Variants in MGMT observed in about 807,000 individuals in gnomAD.
MGMT encodes methylated-DNA--protein-cysteine methyltransferase.
MGMT carries 14 observed loss-of-function variants against 15.9 expected under a neutral mutation model. The observed-to-expected ratio is 0.88, with a 90% confidence interval of 0.58 to 1.37. MGMT has a LOEUF of 1.37. Among genes scored for constraint, MGMT ranks in the 40% most tolerant of loss-of-function variants. The probability of loss-of-function intolerance (pLI) is 0.00; values close to 1 mark genes in which losing one functional copy is unlikely to be tolerated. For missense variants in MGMT, 282 were observed against 268.1 expected (o/e 1.05, Z -0.36); for synonymous variants, 130 against 118.2 (o/e 1.10, Z -0.65).
At chr10:129,704,614 C>T (rs975118038) in intron 2 of MGMT, among the ~76,000 whole-genome samples, 1 of 152,026 alleles carries the variant, frequency 6.6e-6, no homozygotes, top group Admixed American at 6.6e-5. Flanking sequence ...CACAGTTATC[C>T]GTGGCTGTCG....
chr10:129,702,912 G>A (rs929039999), intron 2 of MGMT, among the ~76,000 whole-genome samples: 7 of 152,318 alleles, frequency 4.6e-5, no homozygotes, highest in Non-Finnish European at 7.3e-5. Flanking sequence ...CGTGATAAGC[G>A]CCGCCGTGAG....
chr10:129,651,674 G>T (rs957960327), intron 2 of MGMT, among the ~76,000 whole-genome samples: 1 of 152,030 alleles, frequency 6.6e-6, no homozygotes, highest in South Asian at 2.1e-4. Flanking sequence ...CCGGTCGTTT[G>T]CCTGAGAGAA....
intron 1 of MGMT, among the ~76,000 whole-genome samples, chr10:129,503,582 G>A (rs949945735): frequency 6.6e-6 from 1 of 152,216 alleles, no homozygotes; most frequent in Admixed American, 6.5e-5. Context: ...ATTTAAAAAA[G>A]AGACTGTTTC....
At chr10:129,569,579 C>A (rs1017320859) in intron 2 of MGMT, among the ~76,000 whole-genome samples, 1 of 152,156 alleles carries the variant, frequency 6.6e-6, no homozygotes, top group Admixed American at 6.5e-5. Flanking sequence ...TGCTCTTACC[C>A]GGGCCTGACT....
At position 129,607,970 on chromosome 10, in the gene MGMT, C is replaced by T. The variant is rs150286697; in HGVS notation, c.125+71593C>T. Among the ~76,000 whole-genome samples the T allele has an allele frequency of 2.6e-5, 4 of 152,256 alleles. 1 individual carries two copies. The highest frequency in any genetic ancestry group is 6.8e-3 in the Middle Eastern group (2 of 294). On this transcript the variant is annotated intron_variant, in intron 2 of 4. Transcript: ENST00000651593. ...CCAAATCATGACTCCCTCAACCTGT[C>T]GGGCTCAAATGAGAAGGTTTTCAGC...
In MGMT at chr10:129,597,866, T is replaced by A. The variant is rs139135317; in HGVS notation, c.125+61489T>A. Among the ~76,000 whole-genome samples the A allele has an allele frequency of 1.1e-3, 160 of 152,296 alleles. No homozygotes were observed. The Middle Eastern group carries it at 0.017, about 16-fold the overall frequency. On this transcript the variant is annotated intron_variant, in intron 2 of 4. Transcript: ENST00000651593. ...TCGAAACACAAAGACTGAATAATGA[T>A]GTGGTATTTTTGTATTTAAAAAATG...
chr10:129,663,848 GC>G (rs1430078516), intron 2 of MGMT, among the ~76,000 whole-genome samples: 2 of 152,128 alleles, frequency 1.3e-5, no homozygotes, highest in Non-Finnish European at 2.9e-5. Context: ...ATGGGTCTGA[GC>G]CCAGTTGCTT....
At position 129,730,399 on chromosome 10, in the gene MGMT, T is replaced by G. The variant is rs544152550; in HGVS notation, c.274+22356T>G. Reference sequence around the variant, plus strand: ...ACTTTCATGTTGTTCGATAACAAGGTTGTGCCCTGTGAGTCTGGGATTGTG... The same window carrying G: ...ACTTTCATGTTGTTCGATAACAAGGGTGTGCCCTGTGAGTCTGGGATTGTG... On this transcript the variant is annotated intron_variant, in intron 3 of 4. Coordinates refer to ENST00000651593, the MANE Select transcript of MGMT (RefSeq NM_002412.5). Among the ~76,000 whole-genome samples the G allele has an allele frequency of 1.7e-4, 26 of 152,234 alleles. No individual in the cohort carries two copies. In the South Asian group the frequency reaches 5.4e-3, roughly 32 times the overall value.
chr10:129,468,316 A>C (rs1481120052), intron 1 of MGMT, among the ~76,000 whole-genome samples: 2 of 152,154 alleles, frequency 1.3e-5, no homozygotes, highest in Admixed American at 6.5e-5. Flanking sequence ...TGGGGGTGTG[A>C]AAACTTTGAA....
At chr10:129,601,186 A>G (rs1425341482) in intron 2 of MGMT, among the ~76,000 whole-genome samples, 1 of 152,104 alleles carries the variant, frequency 6.6e-6, no homozygotes, top group Non-Finnish European at 1.5e-5. Flanking sequence ...CTTTATGACT[A>G]AAGTAATAGG....
chr10:129,561,700 G>A lies in MGMT; in HGVS notation c.125+25323G>A, dbSNP rs192654099. Reference sequence around the variant, plus strand: ...CACAGTTTATTGGAGTCTACAAATAGCATAAACTGCTATGTCTGCAGTGTT... The same window carrying A: ...CACAGTTTATTGGAGTCTACAAATAACATAAACTGCTATGTCTGCAGTGTT... On this transcript the variant is annotated intron_variant, in intron 2 of 4. Coordinates refer to ENST00000651593, the MANE Select transcript of MGMT (RefSeq NM_002412.5). Among the ~76,000 whole-genome samples the A allele has an allele frequency of 2.6e-5, 4 of 152,170 alleles. No individual in the cohort carries two copies. The East Asian group carries it at 7.7e-4, about 29-fold the overall frequency.
Position 129,519,608 on chromosome 10 carries a change from C to T in MGMT, c.-12-16633C>T, listed in dbSNP as rs536722897. On this transcript the variant is annotated intron_variant, in intron 1 of 4. Transcript: ENST00000651593. ...GGAGCATGTTGGGAACACCGGGAGC[C>T]GCTGGAACGTGTCTGGAACACCAGG... Among the ~76,000 whole-genome samples the T allele has an allele frequency of 1.9e-4, 29 of 152,288 alleles. No homozygotes were observed. The South Asian group carries it at 4.8e-3, about 25-fold the overall frequency.
At chr10:129,626,009 C>T (rs1028924143) in intron 2 of MGMT, among the ~76,000 whole-genome samples, 1 of 152,204 alleles carries the variant, frequency 6.6e-6, no homozygotes, top group Non-Finnish European at 1.5e-5. Context: ...CCCTTCAGCT[C>T]GTGATGGCGC....
intron 3 of MGMT, among the ~76,000 whole-genome samples, chr10:129,736,168 G>A (rs1228731952): frequency 7.2e-6 from 1 of 139,816 alleles, no homozygotes; most frequent in African/African-American, 2.6e-5. Context: ...GGGTGTTAAA[G>A]TCTCCCATTA....
chr10:129,506,145 G>A (rs1347694259), intron 1 of MGMT, among the ~76,000 whole-genome samples: 2 of 152,048 alleles, frequency 1.3e-5, no homozygotes, highest in African/African-American at 2.4e-5. Context: ...GCATCCAGTG[G>A]GTGGAGGCCA....
chr10:129,633,561 T>C (rs931574022), intron 2 of MGMT, among the ~76,000 whole-genome samples: 1 of 152,248 alleles, frequency 6.6e-6, no homozygotes. Context: ...TTTTTAAAAC[T>C]AGCGACTTCA....
At chr10:129,481,634 G>T (rs1347278055) in intron 1 of MGMT, among the ~76,000 whole-genome samples, 1 of 152,088 alleles carries the variant, frequency 6.6e-6, no homozygotes, top group Non-Finnish European at 1.5e-5. Context: ...GGCCATTCAG[G>T]TCATTTATTT....
In MGMT at chr10:129,627,723, G is replaced by A. The variant is rs139388619; in HGVS notation, c.126-80172G>A. Among the ~76,000 whole-genome samples, 561 of 152,218 alleles carry A rather than the reference G, an allele frequency of 3.7e-3. 3 individuals carry two copies. Among genetic ancestry groups the A allele is most frequent in the African/African-American group, 0.013 (531 of 41,534 alleles). On this transcript the variant is annotated intron_variant, in intron 2 of 4. Transcript: ENST00000651593. ...TGGCTCTTGTATAAATATCTGCCACGTTTCCACTGGGAATTATTGCTGTTA... is the reference window on the plus strand; with the variant it reads ...TGGCTCTTGTATAAATATCTGCCACATTTCCACTGGGAATTATTGCTGTTA...
Position 129,467,273 on chromosome 10 carries a change from G to A in MGMT, c.-36G>A, listed in dbSNP as rs1417162337. On this transcript the variant is annotated 5_prime_UTR_variant, in exon 1 of 5. Transcript: ENST00000651593. Reference sequence around the variant, plus strand: ...TGCGTCCCGACGCCCGCAGGTCCTCGCGGTGCGCACCGTTTGCGACTTGGT... The same window carrying A: ...TGCGTCCCGACGCCCGCAGGTCCTCACGGTGCGCACCGTTTGCGACTTGGT... 1 of 1,543,596 alleles carries A rather than the reference G, an allele frequency of 6.5e-7. No homozygotes were observed.
Sources: allele counts gnomAD v4.1 joint callset (sites outside exome capture counted in the v4.1 genomes callset), GRCh38; gene constraint gnomAD v4.1.1; transcripts MANE v1.5; gene names NCBI Gene and HGNC (gene_info 2026-07-23, HGNC 2026-07-21).